The following DENND1A variants were observed in gnomAD, a reference collection of about 807,000 sequenced individuals.
The protein encoded by DENND1A is DENN domain-containing protein 1A.
A neutral mutation model predicts 113.7 loss-of-function variants in DENND1A; 51 were observed. The observed-to-expected ratio is 0.45, with a 90% CI of 0.36 to 0.57. The LOEUF is 0.57. DENND1A is among the 20% of genes least tolerant of loss of function. The pLI is 0.00. For missense variants in DENND1A, 1,258 were observed against 1,395.9 expected, an observed-to-expected ratio of 0.90 and a Z score of 1.57; for synonymous variants, 565 against 570.8, an observed-to-expected ratio of 0.99 and a Z score of 0.14.
At chr9:123,412,056 G>C (rs544799771) in intron 19 of DENND1A, among the ~76,000 whole-genome samples, 1 of 151,840 alleles carries the variant, frequency 6.6e-6, no homozygotes, top group Admixed American at 6.5e-5. Flanking sequence ...TCTCCCAACA[G>C]GGCTCCCAGC....
chr9:123,611,189 C>CT (rs926969573), intron 10 of DENND1A, among the ~76,000 whole-genome samples: 10 of 151,922 alleles, frequency 6.6e-5, no homozygotes, highest in Admixed American at 1.3e-4. Context: ...TCTTCTTCTT[C>CT]TTTTTTTTAG....
chr9:123,886,704 G>C (rs1041019386), intron 1 of DENND1A, among the ~76,000 whole-genome samples: 1 of 152,116 alleles, frequency 6.6e-6, no homozygotes, highest in Non-Finnish European at 1.5e-5. Flanking sequence ...TGAAATTAAA[G>C]CCTTTTTTTC....
intron 13 of DENND1A, among the ~76,000 whole-genome samples, chr9:123,467,920 C>T (rs1472505193): frequency 1.3e-5 from 2 of 152,018 alleles, no homozygotes; most frequent in African/African-American, 4.8e-5. Context: ...TCCACCACAC[C>T]CTGAGCATTT....
In DENND1A at chr9:123,764,950, G is replaced by A. The variant is rs1487253863; in HGVS notation, c.182+4564C>T. 6.6e-6 allele frequency among the ~76,000 whole-genome samples: 1 copy of A among 152,126 alleles called. No individual in the cohort carries two copies. Among genetic ancestry groups the A allele is most frequent in the Admixed American group, 6.5e-5 (1 of 15,270 alleles). ...TAGAAAATAATCATGGGGCACAGCTGAACCTATATTGTATGCTAAACCAAG... is the reference window on the plus strand; with the variant it reads ...TAGAAAATAATCATGGGGCACAGCTAAACCTATATTGTATGCTAAACCAAG... On this transcript the variant is annotated intron_variant, in intron 4 of 23. Transcript: ENST00000394215. The surrounding 1 kb of genome is among the most constrained non-coding windows in gnomAD (Gnocchi z 4.1).
chr9:123,821,685 A>C (rs1018654054), intron 2 of DENND1A, among the ~76,000 whole-genome samples: 1 of 152,200 alleles, frequency 6.6e-6, no homozygotes, highest in Admixed American at 6.5e-5. Context: ...TTTCAAACAG[A>C]CCACTTAACA....
intron 21 of DENND1A, among the ~76,000 whole-genome samples, chr9:123,395,723 TG>T (rs1202830621): frequency 6.6e-6 from 1 of 152,092 alleles, no homozygotes; most frequent in Non-Finnish European, 1.5e-5. Flanking sequence ...CTTAGAGGGC[TG>T]GGGATGCACT....
At chr9:123,438,399 C>T (rs1319455718) in intron 19 of DENND1A, among the ~76,000 whole-genome samples, 1 of 152,180 alleles carries the variant, frequency 6.6e-6, no homozygotes, top group East Asian at 1.9e-4. Flanking sequence ...AATGTTCAAC[C>T]AACAGCAGAC....
chr9:123,460,555 A>G (rs1299053862), intron 13 of DENND1A, among the ~76,000 whole-genome samples: 4 of 152,234 alleles, frequency 2.6e-5, no homozygotes, highest in Middle Eastern at 6.8e-3. Flanking sequence ...CTGCGCCCCA[A>G]ATCTATTTTT....
chr9:123,782,976 A>G (rs556088779), intron 3 of DENND1A, among the ~76,000 whole-genome samples: 2 of 152,260 alleles, frequency 1.3e-5, no homozygotes, highest in African/African-American at 2.4e-5. Flanking sequence ...GTTGAAAATT[A>G]TAATAGTCAG....
At chr9:123,447,717 T>C (rs544055345) in intron 18 of DENND1A, among the ~76,000 whole-genome samples, 1 of 150,970 alleles carries the variant, frequency 6.6e-6, no homozygotes, top group East Asian at 1.9e-4. Context: ...GAGATGTCTA[T>C]ATTAGAGGCA....
chr9:123,638,461 C>T (rs2061835941), intron 9 of DENND1A, among the ~76,000 whole-genome samples: 1 of 152,086 alleles, frequency 6.6e-6, no homozygotes, highest in African/African-American at 2.4e-5. Flanking sequence ...ACAATCCTTC[C>T]TCACATGCAC....
At chr9:123,928,972 T>C (rs1857558356) in intron 1 of DENND1A, 1 of 901,618 alleles carries the variant, frequency 1.1e-6, no homozygotes, top group African/African-American at 1.8e-5. Flanking sequence ...TGAACATTTG[T>C]TAGTAATTAG....
intron 20 of DENND1A, among the ~76,000 whole-genome samples, chr9:123,409,346 G>A (rs954476562): frequency 1.5e-4 from 23 of 151,342 alleles, no homozygotes; most frequent in African/African-American, 4.6e-4. Context: ...CTGAAAATCC[G>A]AGATCTGAAA....
chr9:123,848,252 A>C (rs1356415278), intron 2 of DENND1A, among the ~76,000 whole-genome samples: 2 of 144,830 alleles, frequency 1.4e-5, no homozygotes, highest in South Asian at 2.2e-4. Flanking sequence ...AAAAAAAAAA[A>C]AAAAACAAAT....
At chr9:123,626,727 C>G (rs1412591477) in intron 10 of DENND1A, among the ~76,000 whole-genome samples, 1 of 152,166 alleles carries the variant, frequency 6.6e-6, no homozygotes, top group Non-Finnish European at 1.5e-5. Context: ...GGCTCAGAAG[C>G]TCAAGCACAG....
chr9:123,470,511 A>G (rs965926080), intron 13 of DENND1A, among the ~76,000 whole-genome samples: 1 of 152,214 alleles, frequency 6.6e-6, no homozygotes, highest in African/African-American at 2.4e-5. Flanking sequence ...GAGGAAGTGC[A>G]CTGGAGAGAG....
rs563243703 is a variant in DENND1A, at chr9:123,904,363, A to G, written c.18-25342T>C. On this transcript the variant is annotated intron_variant, in intron 1 of 23. Transcript: ENST00000394215. ...CTCACCAGCAACGGAACAAAGCTGG[A>G]TGGAGAATGACTTTGACAAGCTGAG... Among the ~76,000 whole-genome samples the G allele has an allele frequency of 4.6e-5, 7 of 152,110 alleles. No individual in the cohort carries two copies. In the East Asian group the frequency reaches 1.3e-3, roughly 29 times the overall value.
chr9:123,430,332 C>G (rs1005281615), intron 19 of DENND1A, among the ~76,000 whole-genome samples: 1 of 152,206 alleles, frequency 6.6e-6, no homozygotes, highest in Non-Finnish European at 1.5e-5. Flanking sequence ...CAATCCATTA[C>G]TGGTTATATG....
chr9:123,386,609 C>T (rs1255531966), intron 22 of DENND1A, among the ~76,000 whole-genome samples: 1 of 152,146 alleles, frequency 6.6e-6, no homozygotes, highest in Non-Finnish European at 1.5e-5. Flanking sequence ...GTCTCGAACT[C>T]CTGGCTTCAA....
Sources: gnomAD v4.1 joint callset for allele counts (sites outside exome capture counted in the v4.1 genomes callset) on GRCh38, gnomAD v4.1.1 for gene constraint, Gnocchi (gnomAD v3.1) non-coding constraint, MANE v1.5 for transcripts, NCBI Gene and HGNC (gene_info 2026-07-23, HGNC 2026-07-21) for gene names.